Variants in CTIF observed in about 807,000 individuals in gnomAD.
CTIF encodes the protein cap binding complex dependent translation initiation factor.
Under a neutral mutation model 66.0 loss-of-function variants are expected in CTIF, and 21 were observed. The observed-to-expected ratio is 0.32, with a 90% CI of 0.23 to 0.46. The LOEUF is 0.46. Ranked by LOEUF, CTIF falls within the 20% of genes least tolerant of loss-of-function variation. The pLI, the probability that CTIF is intolerant of heterozygous loss-of-function variation, is 1.00. For synonymous variants in CTIF, 345 were observed against 326.4 expected (o/e 1.06, Z -0.62); for missense variants, 739 against 812.7 (o/e 0.91, Z 1.10).
At chr18:48,638,152 G>C (rs900992814) in intron 3 of CTIF, among the ~76,000 whole-genome samples, 12 of 152,092 alleles carry the variant, frequency 7.9e-5, no homozygotes, top group East Asian at 1.9e-4. Flanking sequence ...CAGGGGCACT[G>C]TCTCTAGCTC....
intron 9 of CTIF, among the ~76,000 whole-genome samples, chr18:48,787,138 G>A (rs1214107963): frequency 6.6e-6 from 1 of 152,148 alleles, no homozygotes; most frequent in African/African-American, 2.4e-5. Context: ...CTCTCTGGGA[G>A]CAGCTGTGTG....
intron 7 of CTIF, among the ~76,000 whole-genome samples, chr18:48,745,857 T>A (rs1259996767): frequency 6.6e-6 from 1 of 152,226 alleles, no homozygotes. Context: ...CTCTCTGTGA[T>A]AACGTCTCAC....
intron 6 of CTIF, among the ~76,000 whole-genome samples, chr18:48,682,386 G>A (rs2091761666): frequency 6.6e-6 from 1 of 152,144 alleles, no homozygotes; most frequent in African/African-American, 2.4e-5. Flanking sequence ...ATATCACCTG[G>A]GGACTTGCTA....
At chr18:48,620,035 A>G (rs1482229437) in intron 2 of CTIF, among the ~76,000 whole-genome samples, 4 of 152,190 alleles carry the variant, frequency 2.6e-5, no homozygotes, top group Non-Finnish European at 4.4e-5. Context: ...AGTACTGACT[A>G]TGTGCTGAAC....
At chr18:48,753,704 T>G (rs996259444) in intron 7 of CTIF, among the ~76,000 whole-genome samples, 10 of 152,312 alleles carry the variant, frequency 6.6e-5, no homozygotes, top group African/African-American at 2.2e-4. Context: ...GAAGAAGACT[T>G]CCCCAGAAAT....
Position 48,623,480 on chromosome 18 carries a change from A to T in CTIF, c.180+3735A>T, listed in dbSNP as rs1045884183. Among the ~76,000 whole-genome samples, 86 of 152,108 alleles carry T rather than the reference A, an allele frequency of 5.7e-4. 1 individual carries two copies. Among genetic ancestry groups the T allele is most frequent in the East Asian group, 9.6e-4 (5 of 5,184 alleles). On this transcript the variant is annotated intron_variant, in intron 2 of 11. Coordinates refer to ENST00000256413, the MANE Select transcript of CTIF (RefSeq NM_014772.3). ...GCTGTGTCTACATAAGATACTTTTTAAAAAAATTCTCTATTAACACAGCTT... is the reference window on the plus strand; with the variant it reads ...GCTGTGTCTACATAAGATACTTTTTTAAAAAATTCTCTATTAACACAGCTT...
At chr18:48,777,695 T>C (rs934586368) in intron 9 of CTIF, among the ~76,000 whole-genome samples, 1 of 152,174 alleles carries the variant, frequency 6.6e-6, no homozygotes, top group Non-Finnish European at 1.5e-5. Flanking sequence ...TTAAAATGCA[T>C]TGGTTTGTCT....
chr18:48,811,717 C>T (rs1293043309), intron 9 of CTIF, among the ~76,000 whole-genome samples: 1 of 152,144 alleles, frequency 6.6e-6, no homozygotes, highest in African/African-American at 2.4e-5. Flanking sequence ...GGTTCATTCA[C>T]GTTGCAGCAT....
intron 7 of CTIF, chr18:48,755,773 G>A (rs1268970581): frequency 6.6e-6 from 1 of 152,214 alleles, no homozygotes; most frequent in Admixed American, 6.5e-5. Context: ...TAGTCAGCAG[G>A]ATTCAGTTCA....
rs143170522 is a variant in CTIF at position 48,787,938 on chromosome 18, G to A, written c.1371+26249G>A. Among the ~76,000 whole-genome samples the A allele has an allele frequency of 9.7e-4, 148 of 152,328 alleles. 2 individuals are homozygous for A. The East Asian group carries it at 0.024, about 25-fold the overall frequency. On this transcript the variant is annotated intron_variant, in intron 9 of 11. Transcript: ENST00000256413. ...GGTTGGAGGTCTGGCAGTCCTCTGC[G>A]TTTGGTGTCTGTCCTGATTGTCTCT...
intron 9 of CTIF, among the ~76,000 whole-genome samples, chr18:48,794,127 C>G (rs1434470870): frequency 6.6e-6 from 1 of 152,178 alleles, no homozygotes; most frequent in Non-Finnish European, 1.5e-5. Flanking sequence ...AAGCAATGCC[C>G]CAGGGCCATT....
Position 48,815,639 on chromosome 18 carries a change from C to G in CTIF, c.1372-1582C>G, listed in dbSNP as rs187381122. Among the ~76,000 whole-genome samples, 6 of 152,356 alleles carry G rather than the reference C, an allele frequency of 3.9e-5. No homozygotes were observed. The East Asian group carries it at 1.2e-3, about 29-fold the overall frequency. ...TGGCACTGCAGGGCTTCTCAGCCAGCCCCTGACCTGCCACCTGAGGAGACC... is the reference window on the plus strand; with the variant it reads ...TGGCACTGCAGGGCTTCTCAGCCAGGCCCTGACCTGCCACCTGAGGAGACC... On this transcript the variant is annotated intron_variant, in intron 9 of 11. Coordinates refer to ENST00000256413, the MANE Select transcript of CTIF (RefSeq NM_014772.3).
At chr18:48,821,400 TC>T (rs2068480827) in intron 10 of CTIF, among the ~76,000 whole-genome samples, 1 of 152,202 alleles carries the variant, frequency 6.6e-6, no homozygotes, top group Admixed American at 6.5e-5. Flanking sequence ...AGCAGAGAGG[TC>T]AGGCAACTTG....
chr18:48,630,612 A>G (rs1598767254), intron 2 of CTIF, among the ~76,000 whole-genome samples: 1 of 148,116 alleles, frequency 6.8e-6, no homozygotes, highest in African/African-American at 2.5e-5. Context: ...TTATCAGTTG[A>G]TCTGCTCTTT....
At chr18:48,843,507 C>T (rs1599150396) in intron 10 of CTIF, among the ~76,000 whole-genome samples, 1 of 152,152 alleles carries the variant, frequency 6.6e-6, no homozygotes, top group East Asian at 1.9e-4. Context: ...CCCTCCTCCC[C>T]ACCCCAGCTA....
chr18:48,552,536 T>C (rs1181135555), intron 1 of CTIF, among the ~76,000 whole-genome samples: 1 of 152,206 alleles, frequency 6.6e-6, no homozygotes, highest in Non-Finnish European at 1.5e-5. Context: ...ACCGTCTCAC[T>C]GCTTCTTTTC....
intron 3 of CTIF, among the ~76,000 whole-genome samples, chr18:48,644,021 C>T (rs955135229): frequency 3.9e-5 from 6 of 152,138 alleles, no homozygotes; most frequent in African/African-American, 1.4e-4. Flanking sequence ...TTGATTCAGC[C>T]GCAAGCCCCC....
In CTIF at chr18:48,664,910, T is replaced by TTTC. The variant is rs386387618; in HGVS notation, c.431+361_431+362insCTT. 6.4e-3 allele frequency among the ~76,000 whole-genome samples: 20 copies of TTTC among 3,144 alleles called. 1 individual carries two copies. The highest frequency in any genetic ancestry group is 0.03 in the Admixed American group (5 of 164). 2.1% of individuals were successfully genotyped at this position (3,144 alleles called of 152,430 possible). A position where few individuals can be genotyped will look rare whatever the true frequency, so the allele number is the denominator to read the frequency against. ...TGGACTGAGGCTGTGTGTTTCTTTC[T>TTTC]TTTTTTTTTTTTTTTGAGACGGAGT... On this transcript the variant is annotated intron_variant, in intron 5 of 11. Transcript: ENST00000256413.
Position 48,711,799 on chromosome 18 carries a change from G to A in CTIF, c.584+104G>A, listed in dbSNP as rs532979324. The A allele has an allele frequency of 8.4e-6, 8 of 947,322 alleles. No homozygotes were observed. In the African/African-American group the frequency reaches 1.3e-4, roughly 15 times the overall value. The allele number at this position is 947,322 out of a possible 1,614,324, so 58.7% of individuals were successfully genotyped here. On this transcript the variant is annotated intron_variant, in intron 7 of 11. Coordinates refer to ENST00000256413, the MANE Select transcript of CTIF (RefSeq NM_014772.3). ...ATTTCGCTTTTCCCAGTCACCAGCT[G>A]ATCCTGATGAGATGGGGTTGGTGGC... is the stretch of plus-strand genomic sequence containing the variant.
Sources: gnomAD v4.1 joint callset for allele counts (sites outside exome capture counted in the v4.1 genomes callset) on GRCh38, gnomAD v4.1.1 for gene constraint, MANE v1.5 for transcripts, NCBI Gene and HGNC (gene_info 2026-07-23, HGNC 2026-07-21) for gene names.